EEF2K: variants seen among roughly 807,000 people sequenced by gnomAD.
EEF2K encodes the protein alternative protein EEF2K.
A neutral mutation model predicts 93.8 loss-of-function variants in EEF2K; 70 were observed. The ratio of observed to expected loss-of-function variants is 0.75; its 90% CI spans 0.62 to 0.91. The LOEUF (loss-of-function observed/expected upper bound fraction) is 0.91, where lower values mean the gene tolerates loss of function less well. Among genes scored for constraint, EEF2K ranks in the 40% least tolerant of loss-of-function variants. The pLI is 0.00. For synonymous variants in EEF2K, 376 were observed against 380.8 expected, an observed-to-expected ratio of 0.99 and a Z score of 0.15; for missense variants, 935 against 972.9, an observed-to-expected ratio of 0.96 and a Z score of 0.52.
chr16:22,283,098 CAGG>C (rs1282099227), intron 17 of EEF2K, among the ~76,000 whole-genome samples: 1 of 152,130 alleles, frequency 6.6e-6, no homozygotes, highest in Admixed American at 6.5e-5. Context: ...CACCTGCGGT[CAGG>C]AGATCGAGAC....
At position 22,231,714 on chromosome 16, in the gene EEF2K, G is replaced by A. The variant is rs192204065; in HGVS notation, c.246+5739G>A. ...TCCTCAAAACTCATCACTTCTGGCC[G>A]GGCACGGTGGCTCACACCTGTAATC... On this transcript the variant is annotated intron_variant, in intron 2 of 17. Transcript: ENST00000263026. Among the ~76,000 whole-genome samples, 56 of 151,930 alleles carry A rather than the reference G, an allele frequency of 3.7e-4. No individual in the cohort carries two copies. The East Asian group carries it at 7.0e-3, about 19-fold the overall frequency.
At position 22,229,601 on chromosome 16, in the gene EEF2K, T is replaced by C. The variant is rs1424610699; in HGVS notation, c.246+3626T>C. On this transcript the variant is annotated intron_variant, in intron 2 of 17. Transcript: ENST00000263026. Reference sequence around the variant, plus strand: ...CTGTGGTCCCAGCTACTCGGGAGGCTGAAGCATGAGAATCACTTGAACCCA... The same window carrying C: ...CTGTGGTCCCAGCTACTCGGGAGGCCGAAGCATGAGAATCACTTGAACCCA... Among the ~76,000 whole-genome samples, 6 of 152,210 alleles carry C rather than the reference T, an allele frequency of 3.9e-5. No individual in the cohort carries two copies. In the East Asian group the frequency reaches 1.2e-3, roughly 29 times the overall value.
At chr16:22,207,225 G>A (rs1385646858) in intron 1 of EEF2K, among the ~76,000 whole-genome samples, 2 of 152,176 alleles carry the variant, frequency 1.3e-5, no homozygotes. Context: ...GGGGGTGGGG[G>A]CCTCCCGGGT....
chr16:22,207,749 T>C (rs563121752), intron 1 of EEF2K, among the ~76,000 whole-genome samples: 1 of 151,988 alleles, frequency 6.6e-6, no homozygotes, highest in South Asian at 2.1e-4. Context: ...CCACAGAAGC[T>C]CCCTAAGAGG....
At position 22,287,417 on chromosome 16, in the gene EEF2K, G is replaced by A. The variant is rs1280354060; in HGVS notation, c.*3421G>A. 6.6e-6 allele frequency: 1 copy of A among 152,234 alleles called. No individual in the cohort carries two copies. The highest frequency in any genetic ancestry group is 1.5e-5 in the Non-Finnish European group (1 of 68,044). The allele number at this position is 152,234 out of a possible 1,614,324, so 9.4% of individuals were successfully genotyped here. ...GGACGATATCAGAGACCATCTTCAA[G>A]TGCAAGAAGCAGGTGAAAGCCCAGG... On this transcript the variant is annotated 3_prime_UTR_variant, in exon 18 of 18. Transcript: ENST00000263026.
intron 10 of EEF2K, among the ~76,000 whole-genome samples, chr16:22,259,272 G>A (rs1000728163): frequency 3.9e-5 from 6 of 152,202 alleles, no homozygotes; most frequent in African/African-American, 1.2e-4. Flanking sequence ...CAGGGTATTG[G>A]CCTAAAGAGC....
chr16:22,236,745 C>T (rs1453644665), intron 2 of EEF2K, among the ~76,000 whole-genome samples: 1 of 151,404 alleles, frequency 6.6e-6, no homozygotes, highest in Non-Finnish European at 1.5e-5. Flanking sequence ...CTGGCATACT[C>T]GATGAAGTAA....
At chr16:22,262,207 A>C (rs1310567323) in intron 11 of EEF2K, among the ~76,000 whole-genome samples, 1 of 152,046 alleles carries the variant, frequency 6.6e-6, no homozygotes, top group African/African-American at 2.4e-5. Context: ...CAGACCTGGG[A>C]GAATAAAAAA....
chr16:22,251,549 T>C lies in EEF2K; in HGVS notation c.618+227T>C, dbSNP rs542774666. Among the ~76,000 whole-genome samples, 101 of 152,106 alleles carry C rather than the reference T, an allele frequency of 6.6e-4. 1 individual carries two copies. Among genetic ancestry groups the C allele is most frequent in the African/African-American group, 2.3e-3 (96 of 41,518 alleles). The stretch of plus-strand genomic sequence containing the variant: ...GATTCTCCTGCCTCAGCCACCCCAG[T>C]AGCTGGGATTACATACAGGTGCCTG... On this transcript the variant is annotated intron_variant, in intron 6 of 17. Coordinates refer to ENST00000263026, the MANE Select transcript of EEF2K (RefSeq NM_013302.5).
rs543402357 is a variant in EEF2K at position 22,280,267 on chromosome 16, C to T, written c.1959C>T (p.Gly653=). 5.5e-5 allele frequency: 89 copies of T among 1,606,584 alleles called. No individual in the cohort carries two copies. Among genetic ancestry groups the T allele is most frequent in the Middle Eastern group, 1.7e-4 (1 of 6,046 alleles). Residue 653 remains glycine (G), a synonymous_variant, in exon 17 of 18, where the codon GGC becomes GGT. Coordinates refer to ENST00000263026, the MANE Select transcript of EEF2K (RefSeq NM_013302.5). ...TGGAGATGACGGACTGTGATGAGGG[C>T]GGTGAGTACGACGGAATGCAGGACG... The part of the protein sequence containing the change: ...TALEMTDCDE[G]GEYDGMQDEP...
chr16:22,254,923 T>C (rs2047385115), intron 6 of EEF2K, among the ~76,000 whole-genome samples: 1 of 151,870 alleles, frequency 6.6e-6, no homozygotes. Flanking sequence ...ATACAAAAAT[T>C]AGGCAGGCAT....
Position 22,263,037 on chromosome 16 carries a change from G to C in EEF2K, c.1300-73G>C, listed in dbSNP as rs2047480675. On this transcript the variant is annotated intron_variant, in intron 11 of 17. Transcript: ENST00000263026. ...AGAGGGGAGAAAGCTAACAGTTGGG[G>C]TGTTGAGATGTCATAACCATTTCCA... 2.2e-6 allele frequency: 3 copies of C among 1,387,720 alleles called. No homozygotes were observed. In the Admixed American group the frequency reaches 5.7e-5, roughly 26 times the overall value. The allele number at this position is 1,387,720 out of a possible 1,614,324, so 86.0% of individuals were successfully genotyped here. A position where few individuals can be genotyped will look rare whatever the true frequency, so the allele number is the denominator to read the frequency against.
At chr16:22,231,258 TTTTA>T (rs1202801149) in intron 2 of EEF2K, among the ~76,000 whole-genome samples, 1 of 151,234 alleles carries the variant, frequency 6.6e-6, no homozygotes, top group Non-Finnish European at 1.5e-5. Context: ...CTTGCTAATT[TTTTA>T]TTTGTTTATT....
At chr16:22,217,229 A>AGC (rs1491403927) in intron 1 of EEF2K, among the ~76,000 whole-genome samples, 2 of 72,934 alleles carry the variant, frequency 2.7e-5, no homozygotes, top group Non-Finnish European at 5.2e-5. Flanking sequence ...ATAGATAGAT[A>AGC]GAGAGAGAGA....
intron 2 of EEF2K, among the ~76,000 whole-genome samples, chr16:22,228,394 C>T (rs1002932660): frequency 5.3e-5 from 8 of 152,082 alleles, no homozygotes; most frequent in Non-Finnish European, 1.2e-4. Flanking sequence ...GAGGCTGAGG[C>T]GGACAGATCA....
At chr16:22,252,124 T>A (rs2047357797) in intron 6 of EEF2K, among the ~76,000 whole-genome samples, 1 of 152,202 alleles carries the variant, frequency 6.6e-6, no homozygotes, top group Non-Finnish European at 1.5e-5. Flanking sequence ...AACAGAGCTC[T>A]GAGGTCGGAA....
At chr16:22,273,256 A>G (rs1353265071) in intron 15 of EEF2K, among the ~76,000 whole-genome samples, 1 of 152,202 alleles carries the variant, frequency 6.6e-6, no homozygotes, top group Non-Finnish European at 1.5e-5. Flanking sequence ...TTGCATGCAT[A>G]TTAAGAGGCG....
intron 6 of EEF2K, among the ~76,000 whole-genome samples, chr16:22,252,924 C>T (rs1311092663): frequency 3.3e-5 from 5 of 152,042 alleles, no homozygotes; most frequent in African/African-American, 1.2e-4. Flanking sequence ...GAAACCACCC[C>T]CATGATTCAA....
At chr16:22,234,999 G>T (rs767146254) in intron 2 of EEF2K, among the ~76,000 whole-genome samples, 1 of 147,988 alleles carries the variant, frequency 6.8e-6, no homozygotes, top group Non-Finnish European at 1.5e-5. Flanking sequence ...TCTTGCCTCA[G>T]CCTCCTGAGT....
Sources: allele counts gnomAD v4.1 joint callset (sites outside exome capture counted in the v4.1 genomes callset), GRCh38; gene constraint gnomAD v4.1.1; transcripts MANE v1.5; gene names NCBI Gene and HGNC (gene_info 2026-07-23, HGNC 2026-07-21).